COBLL1: variants seen among roughly 807,000 people sequenced by gnomAD.
COBLL1 encodes cordon-bleu WH2 repeat protein like 1.
COBLL1 carries 50 observed loss-of-function variants against 94.8 expected under a neutral mutation model. The observed-to-expected ratio is 0.53, with a 90% confidence interval of 0.42 to 0.67. The LOEUF is 0.67. COBLL1 is among the 30% of genes least tolerant of loss of function. COBLL1 has a pLI of 0.00. For missense variants in COBLL1, 1,362 were observed against 1,348.7 expected (o/e 1.01, Z -0.15); for synonymous variants, 448 against 473.8 (o/e 0.95, Z 0.71).
chr2:164,811,485 T>G (rs1335868707), intron 2 of COBLL1, among the ~76,000 whole-genome samples: 1 of 151,970 alleles, frequency 6.6e-6, no homozygotes. Context: ...GATGTCATCC[T>G]AAATTTAATG....
chr2:164,683,703 A>G lies in COBLL1; in HGVS notation c.*2243T>C, dbSNP rs1230051705. 1 of 152,018 alleles carries G rather than the reference A, an allele frequency of 6.6e-6. No homozygotes were observed. Among genetic ancestry groups the G allele is most frequent in the East Asian group, 1.9e-4 (1 of 5,198 alleles). 9.4% of individuals were successfully genotyped at this position (152,018 alleles called of 1,614,324 possible). ...CATAATTTATAGTATCATTTTTTAT[A>G]TTTATACTTTATGTAACTAATTTCA... is the stretch of plus-strand genomic sequence containing the variant. On this transcript the variant is annotated 3_prime_UTR_variant, in exon 14 of 14. Coordinates refer to ENST00000652658, the MANE Select transcript of COBLL1 (RefSeq NM_001365672.2).
At chr2:164,818,574 A>T (rs917764814) in intron 2 of COBLL1, among the ~76,000 whole-genome samples, 1 of 148,668 alleles carries the variant, frequency 6.7e-6, no homozygotes, top group South Asian at 2.1e-4. Context: ...TATATAGCAT[A>T]TATGTACATA....
chr2:164,789,341 T>C (rs1399354034), intron 2 of COBLL1, among the ~76,000 whole-genome samples: 2 of 151,246 alleles, frequency 1.3e-5, no homozygotes, highest in Admixed American at 6.6e-5. Flanking sequence ...GACAAGAGAG[T>C]GGTCATGTGT....
At chr2:164,741,855 T>C (rs1445508584) in intron 3 of COBLL1, among the ~76,000 whole-genome samples, 3 of 151,866 alleles carry the variant, frequency 2.0e-5, no homozygotes, top group East Asian at 3.9e-4. Context: ...ATGAAGAAAA[T>C]TGCAGCATCC....
intron 3 of COBLL1, among the ~76,000 whole-genome samples, chr2:164,738,040 T>C (rs1558968425): frequency 6.6e-6 from 1 of 152,216 alleles, no homozygotes; most frequent in African/African-American, 2.4e-5. Flanking sequence ...GACTTCTAGC[T>C]TGGAGTTCTG....
At chr2:164,792,792 C>T (rs548344519) in intron 2 of COBLL1, among the ~76,000 whole-genome samples, 10 of 152,064 alleles carry the variant, frequency 6.6e-5, no homozygotes, top group African/African-American at 2.4e-4. Context: ...TAATCTTTCC[C>T]CCTGGAGATG....
Position 164,681,964 on chromosome 2 carries a change from G to T in COBLL1, c.*3982C>A, listed in dbSNP as rs1181274411. 1 of 152,196 alleles carries T rather than the reference G, an allele frequency of 6.6e-6. No individual in the cohort carries two copies. The highest frequency in any genetic ancestry group is 2.4e-5 in the African/African-American group (1 of 41,454). The allele number at this position is 152,196 out of a possible 1,614,324, so 9.4% of individuals were successfully genotyped here. A position where few individuals can be genotyped will look rare whatever the true frequency, so the allele number is the denominator to read the frequency against. On this transcript the variant is annotated 3_prime_UTR_variant, in exon 14 of 14. Coordinates refer to ENST00000652658, the MANE Select transcript of COBLL1 (RefSeq NM_001365672.2). Reference sequence around the variant, plus strand: ...ATTAAGGATGGAAATTTGCAGGAAAGTGGTAACATTTAAGAGAAAAGGAAA... The same window carrying T: ...ATTAAGGATGGAAATTTGCAGGAAATTGGTAACATTTAAGAGAAAAGGAAA...
In COBLL1 at chr2:164,723,486, TG is replaced by T. The variant is rs777316210; in HGVS notation, c.662-965del. ...TATCAAAGAATCTACAAGATAAACT[TG>T]GGACATCTAGCCATACTAGAAAGAA... On this transcript the variant is annotated intron_variant, in intron 5 of 13. Transcript: ENST00000652658. The T allele has an allele frequency of 6.6e-5, 10 of 152,224 alleles. No individual in the cohort carries two copies. The East Asian group carries it at 1.6e-3, about 24-fold the overall frequency. The allele number at this position is 152,224 out of a possible 1,614,324, so 9.4% of individuals were successfully genotyped here. A position where few individuals can be genotyped will look rare whatever the true frequency, so the allele number is the denominator to read the frequency against.
intron 3 of COBLL1, among the ~76,000 whole-genome samples, chr2:164,733,556 T>G (rs778892462): frequency 4.6e-5 from 7 of 152,234 alleles, no homozygotes; most frequent in Non-Finnish European, 1.0e-4. Flanking sequence ...AAAATATTCC[T>G]ATTGCCAGAC....
At chr2:164,734,792 T>C (rs1235093255) in intron 3 of COBLL1, among the ~76,000 whole-genome samples, 1 of 152,134 alleles carries the variant, frequency 6.6e-6, no homozygotes, top group Non-Finnish European at 1.5e-5. Flanking sequence ...AAAATGCAAA[T>C]TTCAATGGTT....
chr2:164,810,356 T>C (rs1288040822), intron 2 of COBLL1, among the ~76,000 whole-genome samples: 2 of 151,638 alleles, frequency 1.3e-5, no homozygotes, highest in East Asian at 1.9e-4. Flanking sequence ...TTAAAATTTG[T>C]ATTGTAAAAA....
intron 7 of COBLL1, among the ~76,000 whole-genome samples, chr2:164,709,058 T>C (rs1684750584): frequency 1.3e-5 from 2 of 152,234 alleles, no homozygotes; most frequent in South Asian, 4.1e-4. Context: ...CAAATTTTTA[T>C]GAGCCTATTC....
chr2:164,674,651 A>G (rs1691305808), intron 1 of COBLL1, among the ~76,000 whole-genome samples: 1 of 152,202 alleles, frequency 6.6e-6, no homozygotes, highest in Non-Finnish European at 1.5e-5. Flanking sequence ...TGTGTTATGG[A>G]TTGGGGATAG....
At chr2:164,751,508 G>A (rs1460091238) in intron 2 of COBLL1, among the ~76,000 whole-genome samples, 19 of 141,710 alleles carry the variant, frequency 1.3e-4, no homozygotes, top group Admixed American at 1.1e-3. Flanking sequence ...GGTATAAGAA[G>A]TCATTCAAGT....
intron 1 of COBLL1, among the ~76,000 whole-genome samples, chr2:164,672,153 G>A (rs996767217): frequency 1.5e-4 from 23 of 152,266 alleles, no homozygotes; most frequent in African/African-American, 5.3e-4. Flanking sequence ...GGAGGCCTAG[G>A]AGTTGACTTA....
intron 2 of COBLL1, among the ~76,000 whole-genome samples, chr2:164,819,691 T>C (rs1685062455): frequency 6.6e-6 from 1 of 152,206 alleles, no homozygotes; most frequent in African/African-American, 2.4e-5. Flanking sequence ...AGGTTTTCAC[T>C]GACTTTCATT....
Position 164,681,229 on chromosome 2 carries a change from G to A in COBLL1, c.*4717C>T, listed in dbSNP as rs1478057367. On this transcript the variant is annotated 3_prime_UTR_variant, in exon 14 of 14. Transcript: ENST00000652658. Reference sequence around the variant, plus strand: ...GGTATTGCTGGGGTAAGCATTTATTGCTTACACATCAGAGTAAACTGGGGG... The same window carrying A: ...GGTATTGCTGGGGTAAGCATTTATTACTTACACATCAGAGTAAACTGGGGG... 5 of 152,112 alleles carry A rather than the reference G, an allele frequency of 3.3e-5. No homozygotes were observed. The highest frequency in any genetic ancestry group is 1.2e-4 in the African/African-American group (5 of 41,408). The allele number at this position is 152,112 out of a possible 1,614,324, so 9.4% of individuals were successfully genotyped here.
intron 3 of COBLL1, among the ~76,000 whole-genome samples, chr2:164,730,427 A>AG (rs1264785309): frequency 1.3e-5 from 2 of 151,604 alleles, no homozygotes; most frequent in African/African-American, 4.8e-5. Context: ...GAGCTCTGGA[A>AG]GTTGAGGTTG....
At chr2:164,738,919 T>G (rs1033651918) in intron 3 of COBLL1, among the ~76,000 whole-genome samples, 2 of 152,172 alleles carry the variant, frequency 1.3e-5, no homozygotes, top group African/African-American at 4.8e-5. Context: ...TATATATGTG[T>G]GCAAACATAT....
Sources: allele counts gnomAD v4.1 joint callset (sites outside exome capture counted in the v4.1 genomes callset), GRCh38; gene constraint gnomAD v4.1.1; transcripts MANE v1.5; gene names NCBI Gene and HGNC (gene_info 2026-07-23, HGNC 2026-07-21).